Variants in NAALADL2 observed in about 807,000 individuals in gnomAD.
NAALADL2 encodes N-acetylated alpha-linked acidic dipeptidase like 2, also known as inactive N-acetylated-alpha-linked acidic dipeptidase-like protein 2.
NAALADL2 carries 76 observed loss-of-function variants against 87.2 expected under a neutral mutation model. The observed-to-expected ratio is 0.87, with a 90% confidence interval of 0.72 to 1.05. The LOEUF (loss-of-function observed/expected upper bound fraction) is 1.05. Ranked by LOEUF, NAALADL2 falls within the 50% of genes least tolerant of loss-of-function variation. The pLI, the probability that NAALADL2 is intolerant of heterozygous loss-of-function variation, is 0.00. For missense variants in NAALADL2, 1,089 were observed against 945.8 expected (o/e 1.15, Z -1.99); for synonymous variants, 354 against 331.0 (o/e 1.07, Z -0.75).
At chr3:175,742,105 G>C (rs1427737757) in intron 12 of NAALADL2, among the ~76,000 whole-genome samples, 4 of 152,158 alleles carry the variant, frequency 2.6e-5, no homozygotes, top group Non-Finnish European at 5.9e-5. Context: ...GAAAAAGTAT[G>C]GCAAGGGAAG....
intron 3 of NAALADL2, chr3:175,235,507 C>T (rs184840040): frequency 8.9e-4 from 135 of 152,252 alleles, no homozygotes; most frequent in African/African-American, 3.0e-3. Flanking sequence ...AATGGTAACA[C>T]ACCTGTATAT....
chr3:174,743,215 A>G (rs560371193), intron 3 of NAALADL2, among the ~76,000 whole-genome samples: 1 of 151,732 alleles, frequency 6.6e-6, no homozygotes, highest in Non-Finnish European at 1.5e-5. Context: ...CTTTATATCT[A>G]CAGGCTTCTT....
At chr3:175,317,912 A>G (rs1445796614) in intron 4 of NAALADL2, among the ~76,000 whole-genome samples, 1 of 152,222 alleles carries the variant, frequency 6.6e-6, no homozygotes, top group Non-Finnish European at 1.5e-5. Context: ...TCATCAAAAA[A>G]TGAATGATTT....
chr3:175,673,859 C>G (rs1734342717), intron 11 of NAALADL2, among the ~76,000 whole-genome samples: 1 of 151,934 alleles, frequency 6.6e-6, no homozygotes, highest in African/African-American at 2.4e-5. Flanking sequence ...TTAATAATCT[C>G]TCCATGCATA....
chr3:175,579,867 G>C (rs533533144), intron 10 of NAALADL2, among the ~76,000 whole-genome samples: 1 of 148,054 alleles, frequency 6.8e-6, no homozygotes, highest in East Asian at 1.9e-4. Flanking sequence ...CATGCCAGAG[G>C]GTCTATCTTT....
chr3:175,348,359 T>C (rs1199839106), intron 5 of NAALADL2, among the ~76,000 whole-genome samples: 1 of 152,194 alleles, frequency 6.6e-6, no homozygotes, highest in African/African-American at 2.4e-5. Flanking sequence ...TCTTACTTAG[T>C]AATGTTCCTA....
At chr3:175,627,234 A>G in intron 10 of NAALADL2, 57 bp from the exon 11 acceptor site, 1 of 1,369,464 alleles carries the variant, frequency 7.3e-7, no homozygotes, top group South Asian at 1.3e-5. Context: ...TCCAATAAAC[A>G]CTTGAAAAAC....
At chr3:175,003,741 C>G (rs73048968) in intron 1 of NAALADL2, among the ~76,000 whole-genome samples, 143 of 152,266 alleles carry the variant, frequency 9.4e-4, no homozygotes, top group African/African-American at 3.3e-3. Context: ...TGAAATAGTT[C>G]TGAATCAAAG....
chr3:175,276,501 C>T (rs1470964657), intron 4 of NAALADL2, among the ~76,000 whole-genome samples: 1 of 151,990 alleles, frequency 6.6e-6, no homozygotes, highest in Non-Finnish European at 1.5e-5. Context: ...GACTGGGTTT[C>T]ACCATATTAA....
intron 1 of NAALADL2, among the ~76,000 whole-genome samples, chr3:174,895,050 T>G (rs1405743978): frequency 6.6e-6 from 1 of 152,076 alleles, no homozygotes; most frequent in African/African-American, 2.4e-5. Flanking sequence ...GATAAGCTTA[T>G]AGCTTTAAGT....
chr3:175,206,812 G>A (rs1400382791), intron 2 of NAALADL2, among the ~76,000 whole-genome samples: 1 of 152,112 alleles, frequency 6.6e-6, no homozygotes, highest in Non-Finnish European at 1.5e-5. Context: ...TCTGGCTTAG[G>A]TCTGCTAATC....
chr3:175,185,286 T>C (rs755968337), intron 2 of NAALADL2, among the ~76,000 whole-genome samples: 2 of 152,090 alleles, frequency 1.3e-5, no homozygotes, highest in Non-Finnish European at 2.9e-5. Context: ...GCAATTCTAC[T>C]CCTAATTGTA....
intron 2 of NAALADL2, among the ~76,000 whole-genome samples, chr3:175,113,588 G>T (rs12493600): frequency 0.021 from 3,250 of 151,452 alleles, 69 homozygotes; most frequent in Admixed American, 0.066. Context: ...GAGACCCCTG[G>T]GTCAAAGATG....
intron 1 of NAALADL2, among the ~76,000 whole-genome samples, chr3:175,007,150 T>TTAAAAA (rs1349127659): frequency 2.8e-5 from 2 of 70,346 alleles, no homozygotes. Flanking sequence ...TTTTATAGGA[T>TTAAAAA]AAAAAAAAAA....
At chr3:175,454,766 C>A (rs917554096) in intron 6 of NAALADL2, among the ~76,000 whole-genome samples, 12 of 152,006 alleles carry the variant, frequency 7.9e-5, no homozygotes, top group African/African-American at 2.4e-4. Flanking sequence ...AATCTGATAT[C>A]CTAGCCCACC....
chr3:174,455,524 A>G (rs1441522354), intron 1 of NAALADL2, among the ~76,000 whole-genome samples: 1 of 152,160 alleles, frequency 6.6e-6, no homozygotes, highest in East Asian at 1.9e-4. Context: ...CATATCCAGT[A>G]TGATCAAGTA....
At chr3:174,592,077 T>A (rs941407228) in intron 2 of NAALADL2, among the ~76,000 whole-genome samples, 3 of 152,116 alleles carry the variant, frequency 2.0e-5, no homozygotes, top group African/African-American at 4.8e-5. Flanking sequence ...GAAATAGGTA[T>A]AATAGAACAA....
At chr3:175,138,603 AT>A (rs1327575309) in intron 2 of NAALADL2, among the ~76,000 whole-genome samples, 4 of 149,942 alleles carry the variant, frequency 2.7e-5, no homozygotes, top group African/African-American at 9.8e-5. Context: ...TTTACAGAGT[AT>A]TTATTATTAT....
chr3:174,745,968 A>G (rs1386713181), intron 3 of NAALADL2, among the ~76,000 whole-genome samples: 2 of 152,154 alleles, frequency 1.3e-5, no homozygotes, highest in Non-Finnish European at 2.9e-5. Context: ...CCCACAACCA[A>G]TATCATTCTG....
Sources: allele counts gnomAD v4.1 joint callset (sites outside exome capture counted in the v4.1 genomes callset), GRCh38; gene constraint gnomAD v4.1.1; transcripts MANE v1.5; gene names NCBI Gene and HGNC (gene_info 2026-07-23, HGNC 2026-07-21).